Variants in ZGLP1 observed in about 807,000 individuals in gnomAD.
The protein encoded by ZGLP1 is zinc finger GATA like protein 1.
Under a neutral mutation model 21.4 loss-of-function variants are expected in ZGLP1, and 11 were observed. That is an observed-to-expected ratio of 0.51 (90% confidence interval 0.32 to 0.85). The LOEUF (loss-of-function observed/expected upper bound fraction) is 0.85. Among genes scored for constraint, ZGLP1 ranks in the 40% least tolerant of loss-of-function variants. ZGLP1 has a pLI of 0.03. For synonymous variants in ZGLP1, 148 were observed against 145.0 expected, an observed-to-expected ratio of 1.02 and a Z score of -0.15; for missense variants, 295 against 355.6, an observed-to-expected ratio of 0.83 and a Z score of 1.37.
rs1181594858 is a variant in ZGLP1, at chr19:10,305,469, C to CACAGCGCCGGGG, written c.607_618dup (p.Pro203_Cys206dup). On this transcript the variant is annotated inframe_insertion, in exon 3 of 4. Coordinates refer to ENST00000403903, the Ensembl canonical transcript of ZGLP1. The surrounding 1 kb of genome is among the most constrained non-coding windows in gnomAD (Gnocchi z 4.7). Reference sequence around the variant, plus strand: ...GGGGTCCTCTGGGTCCGACAGGAAGCACAGCGCCGGGGCTCTGAAGGGTCA... The same window carrying CACAGCGCCGGGG: ...GGGGTCCTCTGGGTCCGACAGGAAGCACAGCGCCGGGGACAGCGCCGGGGCTCTGAAGGGTCA... 6.3e-7 allele frequency: 1 copy of CACAGCGCCGGGG among 1,596,954 alleles called. No individual in the cohort carries two copies. Among genetic ancestry groups the CACAGCGCCGGGG allele is most frequent in the Admixed American group, 1.8e-5 (1 of 56,582 alleles).
intron 1 of ZGLP1, among the ~76,000 whole-genome samples, chr19:10,307,618 G>A (rs1283464876): frequency 6.6e-6 from 1 of 151,532 alleles, no homozygotes; most frequent in Non-Finnish European, 1.5e-5. Context: ...GAGTTCAAGC[G>A]ATTCTCCTGC....
exon 1 of ZGLP1, chr19:10,308,361 G>A (rs773761284): frequency 1.2e-6 from 2 of 1,607,582 alleles, no homozygotes; most frequent in South Asian, 1.1e-5. Context: ...GGCCCTTTTG[G>A]CTGATCCTGG....
chr19:10,305,222 A>T lies in ZGLP1; in HGVS notation c.699-14T>A, dbSNP rs1380025272. The T allele has an allele frequency of 6.2e-7, 1 of 1,612,242 alleles. No homozygotes were observed. The highest frequency in any genetic ancestry group is 2.2e-5 in the East Asian group (1 of 44,868). On this transcript the variant is annotated splice_polypyrimidine_tract_variant and intron_variant, in intron 3 of 3. Coordinates refer to ENST00000403903, the Ensembl canonical transcript of ZGLP1. The surrounding 1 kb of genome is among the most constrained non-coding windows in gnomAD (Gnocchi z 4.7). ...TATTTCTTGTACCTAGGGTTGGGGG[A>T]CAAGAAACTGCCATTTAGGATGCAG...
exon 4 of ZGLP1, chr19:10,304,983 G>A: frequency 1.2e-6 from 1 of 840,106 alleles, no homozygotes; most frequent in Non-Finnish European, 1.9e-6. Context: ...ATGGCAGAGA[G>A]GAGGCAGGCC....
exon 4 of ZGLP1, chr19:10,304,954 G>A (rs917628953): frequency 2.0e-5 from 14 of 696,666 alleles, no homozygotes; most frequent in South Asian, 5.7e-5. Context: ...GTCTTCCCCC[G>A]GGATCCTTGA....
Position 10,305,725 on chromosome 19 carries a change from C to T in ZGLP1, c.604+121G>A. 1.2e-6 allele frequency: 1 copy of T among 859,272 alleles called. No homozygotes were observed. The highest frequency in any genetic ancestry group is 1.5e-5 in the South Asian group (1 of 68,582). 53.2% of individuals were successfully genotyped at this position (859,272 alleles called of 1,614,324 possible). A position where few individuals can be genotyped will look rare whatever the true frequency, so the allele number is the denominator to read the frequency against. On this transcript the variant is annotated intron_variant, in intron 2 of 3. Coordinates refer to ENST00000403903, the Ensembl canonical transcript of ZGLP1. The surrounding 1 kb of genome is among the most constrained non-coding windows in gnomAD (Gnocchi z 4.7). ...GCCCAAGTGGAGGGGGGTGCTGCGA[C>T]TCCTCCCTGAGGGCTCTAAATGGGG...
At chr19:10,308,581 C>T in exon 1 of ZGLP1, 2 of 1,586,868 alleles carry the variant, frequency 1.3e-6, no homozygotes, top group Non-Finnish European at 1.7e-6. Flanking sequence ...GTCACGTTTT[C>T]TTGGGTGACT....
At chr19:10,306,943 G>T (rs1217869006) in intron 1 of ZGLP1, among the ~76,000 whole-genome samples, 1 of 151,914 alleles carries the variant, frequency 6.6e-6, no homozygotes, top group African/African-American at 2.4e-5. Flanking sequence ...AGACCATCCC[G>T]GCCAACATGG....
In ZGLP1 at chr19:10,305,565, T is replaced by TG; in HGVS notation, c.605-83dup. 7.9e-7 allele frequency: 1 copy of TG among 1,273,036 alleles called. No individual in the cohort carries two copies. Among genetic ancestry groups the TG allele is most frequent in the South Asian group, 1.3e-5 (1 of 78,048 alleles). 78.9% of individuals were successfully genotyped at this position (1,273,036 alleles called of 1,614,324 possible). ...TGCCTGTGCGGAGTCGGGCATTTTG[T>TG]GGGGGTCTCAGTAAAGGCCCCACCT... On this transcript the variant is annotated intron_variant, in intron 2 of 3. Transcript: ENST00000403903. This position sits in a 1 kb window ranked among gnomAD's most constrained non-coding sequence, Gnocchi z 4.7.
At chr19:10,306,304 G>A (rs1157909828) in intron 1 of ZGLP1, among the ~76,000 whole-genome samples, 2 of 151,814 alleles carry the variant, frequency 1.3e-5, no homozygotes, top group African/African-American at 4.8e-5. Flanking sequence ...GTACAGACGG[G>A]GTTTCACCAT....
In ZGLP1 at chr19:10,305,780, G is replaced by T. The variant is rs2040275858; in HGVS notation, c.604+66C>A. On this transcript the variant is annotated intron_variant, in intron 2 of 3. Transcript: ENST00000403903. This position sits in a 1 kb window ranked among gnomAD's most constrained non-coding sequence, Gnocchi z 4.7. ...AAGATGGAGAAGGGGGGGGCAGGGA[G>T]AAAGGCAGGGAAGACAGGAAATTGG... The T allele has an allele frequency of 1.5e-6, 2 of 1,293,702 alleles. No individual in the cohort carries two copies. The highest frequency in any genetic ancestry group is 2.5e-5 in the South Asian group (2 of 78,968). 80.1% of individuals were successfully genotyped at this position (1,293,702 alleles called of 1,614,324 possible).
exon 1 of ZGLP1, chr19:10,308,951 G>A (rs1488188773): frequency 3.3e-6 from 1 of 303,030 alleles, no homozygotes; most frequent in African/African-American, 2.1e-5. Flanking sequence ...GCGTGATCAG[G>A]ACTCAGTGCA....
In ZGLP1 at chr19:10,306,850, G is replaced by C. The variant is rs571044346; in HGVS notation, c.498-898C>G. Among the ~76,000 whole-genome samples the C allele has an allele frequency of 2.0e-4, 31 of 152,102 alleles. No individual in the cohort carries two copies. The South Asian group carries it at 6.2e-3, about 31-fold the overall frequency. On this transcript the variant is annotated intron_variant, in intron 1 of 3. Transcript: ENST00000403903. ...AAACAAACAAAAGCAAAAAAAAGCA[G>C]CCAGGCATGGTGGCGGCTCACTCCT... is the stretch of plus-strand genomic sequence containing the variant.
At chr19:10,307,113 G>A (rs985611416) in intron 1 of ZGLP1, among the ~76,000 whole-genome samples, 4 of 149,006 alleles carry the variant, frequency 2.7e-5, no homozygotes, top group African/African-American at 7.4e-5. Context: ...CAGCCTGAAC[G>A]ACAGAGTGCA....
rs766568701 is a variant in ZGLP1 at position 10,308,318 on chromosome 19, G to A, written c.364C>T (p.Pro122Ser). The A allele has an allele frequency of 3.1e-6, 5 of 1,611,314 alleles. No homozygotes were observed. In the Admixed American group the frequency reaches 8.4e-5, roughly 27 times the overall value. The change falls in exon 1 of 4, where the codon CCA (proline) becomes TCA (serine). Residue 122 changes from proline (P) to serine (S), a missense_variant. Physicochemically the swap from Pro to Ser is moderately conservative, Grantham distance 74 (BLOSUM62 -1). Around this residue, in one of 2 missense-constraint regions of ZGLP1, gnomAD observed 252 missense variants for 264.0 expected, o/e 0.95. Coordinates refer to ENST00000403903, the Ensembl canonical transcript of ZGLP1. ...TGTTTCCGGGGCCTTCTCTGGGGTG[G>A]GGCCGAGGGAGTCCCCGGGGGCTGC...
Position 10,308,834 on chromosome 19 carries a change from C to T in ZGLP1, c.-153G>A, listed in dbSNP as rs2040295628. The T allele has an allele frequency of 3.5e-6, 2 of 575,044 alleles. 1 individual carries two copies. The highest frequency in any genetic ancestry group is 3.8e-5 in the African/African-American group (2 of 53,020). 35.6% of individuals were successfully genotyped at this position (575,044 alleles called of 1,614,324 possible). Reference sequence around the variant, plus strand: ...CAGGGACCGCCCTAGGTGACCGAGGCAGGATATCAAGCCTCTGGCTGCAGG... The same window carrying T: ...CAGGGACCGCCCTAGGTGACCGAGGTAGGATATCAAGCCTCTGGCTGCAGG... On this transcript the variant is annotated 5_prime_UTR_variant, in exon 1 of 4. Transcript: ENST00000403903.
chr19:10,308,924 C>T (rs1032963371), exon 1 of ZGLP1: 7 of 346,994 alleles, frequency 2.0e-5, no homozygotes, highest in Non-Finnish European at 3.6e-5. Flanking sequence ...CTCTGTACCC[C>T]CGCCTGGAGT....
rs754820225 is a variant in ZGLP1, at chr19:10,308,213, A to T, written c.469T>A (p.Ser157Thr). 5 of 1,549,706 alleles carry T rather than the reference A, an allele frequency of 3.2e-6. No individual in the cohort carries two copies. In the South Asian group the frequency reaches 3.6e-5, roughly 11 times the overall value. Residue 157 changes from serine (S) to threonine (T), a missense_variant, in exon 1 of 4, where the codon TCC (serine) becomes ACC (threonine). Ser to Thr is a moderately conservative substitution (Grantham distance 58). Around this residue, in one of 2 missense-constraint regions of ZGLP1, gnomAD observed 252 missense variants for 264.0 expected, o/e 0.95. Transcript: ENST00000403903. ...TACGTGGGGATGATCTGCAGGCTGGAGTCCGGCTTTATCTGAAACTTCAGA... is the reference window on the plus strand; with the variant it reads ...TACGTGGGGATGATCTGCAGGCTGGTGTCCGGCTTTATCTGAAACTTCAGA...
At chr19:10,306,863 G>A (rs750607869) in intron 1 of ZGLP1, among the ~76,000 whole-genome samples, 2 of 152,072 alleles carry the variant, frequency 1.3e-5, no homozygotes, top group Non-Finnish European at 2.9e-5. Context: ...AGGCATGGTG[G>A]CGGCTCACTC....
Sources: allele counts gnomAD v4.1 joint callset (sites outside exome capture counted in the v4.1 genomes callset), GRCh38; gene constraint gnomAD v4.1.1; regional missense constraint gnomAD v4.1.1; non-coding constraint Gnocchi (gnomAD v3.1); transcripts MANE v1.5; gene names NCBI Gene and HGNC (gene_info 2026-07-23, HGNC 2026-07-21).